LUC7L: variants seen among roughly 807,000 people sequenced by gnomAD.
LUC7L encodes LUC7 like, also known as putative RNA-binding protein Luc7-like 1.
A neutral mutation model predicts 51.1 loss-of-function variants in LUC7L; 29 were observed. The ratio of observed to expected loss-of-function variants is 0.57; its 90% confidence interval spans 0.42 to 0.77. The LOEUF (loss-of-function observed/expected upper bound fraction) is 0.77. LUC7L is among the 30% of genes least tolerant of loss of function. The probability of loss-of-function intolerance (pLI) is 0.00; values close to 1 mark genes in which losing one functional copy is unlikely to be tolerated. For missense variants in LUC7L, 403 were observed against 511.9 expected (o/e 0.79, Z 2.05); for synonymous variants, 181 against 180.7 (o/e 1.00, Z -0.01).
chr16:226,534 T>C (rs1370360598), intron 2 of LUC7L, among the ~76,000 whole-genome samples: 1 of 152,228 alleles, frequency 6.6e-6, no homozygotes, highest in Non-Finnish European at 1.5e-5. Flanking sequence ...AGATAGCATG[T>C]TGATTTCTTG....
chr16:223,068 T>C (rs1171793632), intron 2 of LUC7L, among the ~76,000 whole-genome samples: 1 of 151,344 alleles, frequency 6.6e-6, no homozygotes, highest in South Asian at 2.1e-4. Context: ...AGAAAGCATG[T>C]AGCATGCTAG....
At chr16:210,848 G>A (rs1173648156) in intron 3 of LUC7L, among the ~76,000 whole-genome samples, 2 of 149,686 alleles carry the variant, frequency 1.3e-5, no homozygotes, top group Admixed American at 6.7e-5. Flanking sequence ...TCAGGAGATC[G>A]AGACCACCCT....
At chr16:199,640 G>A (rs369008171) in intron 5 of LUC7L, among the ~76,000 whole-genome samples, 9 of 151,104 alleles carry the variant, frequency 6.0e-5, no homozygotes, top group African/African-American at 4.9e-5. Context: ...GTGTGGTGGC[G>A]CATGCCTGTA....
At chr16:195,681 C>G (rs1430168640) in intron 6 of LUC7L, among the ~76,000 whole-genome samples, 1 of 152,130 alleles carries the variant, frequency 6.6e-6, no homozygotes, top group Non-Finnish European at 1.5e-5. Flanking sequence ...GCCTTGGCCT[C>G]CTAAAGACTG....
At chr16:198,085 G>A (rs1253414179) in intron 6 of LUC7L, among the ~76,000 whole-genome samples, 4 of 151,778 alleles carry the variant, frequency 2.6e-5, no homozygotes, top group Non-Finnish European at 4.4e-5. Context: ...TGGCAAACAC[G>A]ATGAAGCCCC....
chr16:225,547 C>T (rs1209447690), intron 2 of LUC7L, among the ~76,000 whole-genome samples: 2 of 134,846 alleles, frequency 1.5e-5, no homozygotes, highest in East Asian at 2.3e-4. Flanking sequence ...AGTGCAATGG[C>T]TCGATCTCGG....
chr16:196,362 C>T (rs1316370160), intron 6 of LUC7L, among the ~76,000 whole-genome samples: 3 of 151,880 alleles, frequency 2.0e-5, no homozygotes, highest in East Asian at 1.9e-4. Context: ...GAGCTGAGTT[C>T]GTTACACTGC....
At chr16:199,590 G>A (rs1422748396) in intron 5 of LUC7L, among the ~76,000 whole-genome samples, 4 of 151,690 alleles carry the variant, frequency 2.6e-5, no homozygotes, top group African/African-American at 9.7e-5. Flanking sequence ...TGACCAACAT[G>A]GAGAAACCCC....
intron 5 of LUC7L, among the ~76,000 whole-genome samples, chr16:204,961 T>C (rs1462285169): frequency 6.6e-6 from 1 of 152,174 alleles, no homozygotes; most frequent in Non-Finnish European, 1.5e-5. Context: ...GAACTGCTCC[T>C]TCGGAGATGA....
intron 4 of LUC7L, among the ~76,000 whole-genome samples, chr16:207,431 AG>A (rs1177976048): frequency 6.6e-6 from 1 of 152,160 alleles, no homozygotes; most frequent in African/African-American, 2.4e-5. Flanking sequence ...CATGTTGCTC[AG>A]GTCTAAAACT....
At chr16:227,604 G>A in intron 1 of LUC7L, 1 of 1,268,662 alleles carries the variant, frequency 7.9e-7, no homozygotes, top group Non-Finnish European at 1.0e-6. Context: ...GTAAACAGCT[G>A]AGCACCAAAA....
Position 208,661 on chromosome 16 carries a change from T to C in LUC7L, c.256-473A>G, listed in dbSNP as rs554894321. ...TGTTCTGAGGGTAGGGTCCCCCCTTTCACCTCAAAAACAAAACAATAGAAC... is the reference window on the plus strand; with the variant it reads ...TGTTCTGAGGGTAGGGTCCCCCCTTCCACCTCAAAAACAAAACAATAGAAC... On this transcript the variant is annotated intron_variant, in intron 3 of 9. Coordinates refer to ENST00000293872, the MANE Select transcript of LUC7L (RefSeq NM_201412.3). 101 of 985,626 alleles carry C rather than the reference T, an allele frequency of 1.0e-4. 1 individual carries two copies. The Middle Eastern group carries it at 2.6e-3, about 25-fold the overall frequency. 61.1% of individuals were successfully genotyped at this position (985,626 alleles called of 1,614,324 possible).
rs1045062914 is a variant in LUC7L, at chr16:208,184, A to G, written c.260T>C (p.Met87Thr). 1 of 1,607,002 alleles carries G rather than the reference A, an allele frequency of 6.2e-7. No individual in the cohort carries two copies. Among genetic ancestry groups the G allele is most frequent in the Non-Finnish European group, 8.5e-7 (1 of 1,174,028 alleles). ...AGCAATAAAGGACTCCAAGTGATCC[A>G]TTGCCTAGCACGGGAAAAGCACAGC... ...ERDLFFELDA[M>T]DHLESFIAEC... Residue 87 changes from methionine (M) to threonine (T), a missense_variant, in exon 4 of 10, where the codon ATG (methionine) becomes ACG (threonine). Physicochemically the swap from Met to Thr is moderately conservative, Grantham distance 81. Around this residue, in one of 3 missense-constraint regions of LUC7L, gnomAD observed 182 missense variants for 248.4 expected, o/e 0.73. Transcript: ENST00000293872.
At chr16:228,209 C>G (rs541010498) in intron 1 of LUC7L, 1 of 1,284,044 alleles carries the variant, frequency 7.8e-7, no homozygotes, top group African/African-American at 1.5e-5. Flanking sequence ...TTGCAAGCAT[C>G]CAGGATTAAT....
chr16:193,163 TC>T, intron 6 of LUC7L, 148 bp from the exon 7 acceptor site: 1 of 695,528 alleles, frequency 1.4e-6, no homozygotes, highest in Non-Finnish European at 2.5e-6. Context: ...CTTTTTTTTT[TC>T]TCTTTGAAAC....
chr16:206,076 T>C lies in LUC7L; in HGVS notation c.438A>G (p.Glu146=), dbSNP rs768267859. ...LLAKAEQLGA[E]GNVDESQKIL... is the part of the protein sequence containing the mutation. ...TCTTCTGGGATTCATCCACATTACC[T>C]TCAGCCCCTAGCTGTTCGGCTTTAG... Residue 146 remains glutamate, a synonymous_variant, in exon 5 of 10, where the codon GAA becomes GAG. Transcript: ENST00000293872. 11 of 1,613,788 alleles carry C rather than the reference T, an allele frequency of 6.8e-6. No homozygotes were observed. The highest frequency in any genetic ancestry group is 3.3e-5 in the Admixed American group (2 of 59,912).
intron 6 of LUC7L, 64 bp from the exon 7 acceptor site, chr16:193,079 T>A: frequency 7.9e-7 from 1 of 1,262,854 alleles, no homozygotes; most frequent in Non-Finnish European, 1.2e-6. Flanking sequence ...GAATGCTACT[T>A]AACAAATCAC....
At chr16:196,298 C>T (rs115677507) in intron 6 of LUC7L, among the ~76,000 whole-genome samples, 1,623 of 152,072 alleles carry the variant, frequency 0.011, 25 homozygotes, top group African/African-American at 0.038. Flanking sequence ...GTACCAGCTA[C>T]TTGGAGGGCT....
chr16:214,038 T>C (rs938974834), intron 3 of LUC7L, among the ~76,000 whole-genome samples: 5 of 149,766 alleles, frequency 3.3e-5, no homozygotes, highest in African/African-American at 9.8e-5. Context: ...TACAGCTTTA[T>C]ATTTTGTGTC....
Sources: gnomAD v4.1 joint callset for allele counts (sites outside exome capture counted in the v4.1 genomes callset) on GRCh38, gnomAD v4.1.1 for gene constraint, gnomAD v4.1.1 regional missense constraint, MANE v1.5 for transcripts, NCBI Gene and HGNC (gene_info 2026-07-23, HGNC 2026-07-21) for gene names.